TUT4: variants seen among roughly 807,000 people sequenced by gnomAD.
The protein encoded by TUT4 is terminal uridylyltransferase 4.
A neutral mutation model predicts 192.2 loss-of-function variants in TUT4; 36 were observed. The ratio of observed to expected loss-of-function variants is 0.19; its 90% CI spans 0.14 to 0.25. The LOEUF (loss-of-function observed/expected upper bound fraction) is 0.25, where lower values mean the gene tolerates loss of function less well. Ranked by LOEUF, TUT4 falls within the 10% of genes least tolerant of loss-of-function variation. The pLI is 1.00. For missense variants in TUT4, 1,493 were observed against 1,957.2 expected (o/e 0.76, Z 4.47); for synonymous variants, 618 against 666.0 (o/e 0.93, Z 1.11).
At chr1:52,439,506 G>A (rs1654868196) in intron 24 of TUT4, among the ~76,000 whole-genome samples, 1 of 152,184 alleles carries the variant, frequency 6.6e-6, no homozygotes, top group African/African-American at 2.4e-5. Flanking sequence ...TCCTAACAGT[G>A]TCCATCCTTC....
At chr1:52,432,780 G>T (rs893758557) in intron 27 of TUT4, 3 of 152,148 alleles carry the variant, frequency 2.0e-5, no homozygotes, top group African/African-American at 7.2e-5. Context: ...AATTAGCCAA[G>T]TGTGGTGGTG....
At chr1:52,496,950 A>G in intron 5 of TUT4, 56 bp downstream of exon 5, 1 of 1,521,786 alleles carries the variant, frequency 6.6e-7, no homozygotes, top group African/African-American at 1.4e-5. Flanking sequence ...CTAGTTCAAG[A>G]GGAGCAAGGG....
At chr1:52,512,884 A>G (rs977431715) in intron 3 of TUT4, among the ~76,000 whole-genome samples, 1 of 149,372 alleles carries the variant, frequency 6.7e-6, no homozygotes, top group African/African-American at 2.5e-5. Flanking sequence ...ACTGAACTAA[A>G]GGACCTGAAG....
rs748149518 is a variant in TUT4 at position 52,522,987 on chromosome 1, CTTTTTTTTTTTT to C, written c.718+2564_718+2575del. Among the ~76,000 whole-genome samples the C allele has an allele frequency of 5.6e-5, 5 of 89,566 alleles. No individual in the cohort carries two copies. In the East Asian group the frequency reaches 1.2e-3, roughly 21 times the overall value. 58.8% of individuals were successfully genotyped at this position (89,566 alleles called of 152,430 possible). On this transcript the variant is annotated intron_variant, in intron 2 of 29. Transcript: ENST00000257177. ...TTCAAATAACAAGACCCTTAACTATCTTTTTTTTTTTTTTTTTTTTTTTGAGACAGACTCTCG... is the reference window on the plus strand; with the variant it reads ...TTCAAATAACAAGACCCTTAACTATCTTTTTTTTTTTGAGACAGACTCTCG...
intron 1 of TUT4, among the ~76,000 whole-genome samples, chr1:52,541,775 C>G (rs1367892204): frequency 6.6e-6 from 1 of 152,142 alleles, no homozygotes; most frequent in Non-Finnish European, 1.5e-5. Flanking sequence ...AATGAGCACA[C>G]TCAAGAAAAT....
Position 52,423,916 on chromosome 1 carries a change from G to T in TUT4, c.*19C>A. 6.2e-7 allele frequency: 1 copy of T among 1,611,412 alleles called. No homozygotes were observed. The highest frequency in any genetic ancestry group is 8.5e-7 in the Non-Finnish European group (1 of 1,178,754). ...GTTGCTGTGCATCGGTAGACCAGCT[G>T]AAAGAAAATGGACTCGCATTACTCC... On this transcript the variant is annotated 3_prime_UTR_variant, in exon 30 of 30. Transcript: ENST00000257177.
intron 9 of TUT4, 116 bp downstream of exon 9, chr1:52,488,789 ACTTT>A: frequency 9.0e-7 from 1 of 1,105,736 alleles, no homozygotes; most frequent in African/African-American, 1.6e-5. Context: ...ACAGAAAACT[ACTTT>A]CTCCCACATG....
intron 20 of TUT4, among the ~76,000 whole-genome samples, chr1:52,452,648 G>C (rs1312462663): frequency 6.6e-6 from 1 of 152,230 alleles, no homozygotes; most frequent in South Asian, 2.1e-4. Flanking sequence ...GAGGTTCCTA[G>C]ATGGTGGTAT....
At chr1:52,549,123 C>T (rs1688780732) in intron 1 of TUT4, among the ~76,000 whole-genome samples, 1 of 152,062 alleles carries the variant, frequency 6.6e-6, no homozygotes, top group African/African-American at 2.4e-5. Context: ...GCTTGCCTAT[C>T]CACTAAAAAC....
chr1:52,515,748 AG>A (rs1678554236), intron 3 of TUT4, 142 bp downstream of exon 3: 2 of 893,686 alleles, frequency 2.2e-6, no homozygotes, highest in Non-Finnish European at 3.5e-6. Context: ...GGAAAGAAGA[AG>A]AAAGGTAGAG....
At chr1:52,532,124 C>T (rs1450942155) in intron 1 of TUT4, among the ~76,000 whole-genome samples, 1 of 151,366 alleles carries the variant, frequency 6.6e-6, no homozygotes, top group South Asian at 2.1e-4. Flanking sequence ...ATGTTCTGCC[C>T]GCCTCGGCCT....
chr1:52,490,855 C>A, intron 7 of TUT4, 54 bp from the exon 8 acceptor site: 1 of 1,331,366 alleles, frequency 7.5e-7, no homozygotes, highest in South Asian at 1.3e-5. Flanking sequence ...AATACGTACT[C>A]TACAGTAAAC....
chr1:52,482,589 G>T (rs1668767224), intron 9 of TUT4, among the ~76,000 whole-genome samples: 1 of 152,090 alleles, frequency 6.6e-6, no homozygotes, highest in South Asian at 2.1e-4. Flanking sequence ...ACCATGCTCA[G>T]CTAATTTTTT....
chr1:52,472,012 G>A lies in TUT4; in HGVS notation c.2818C>T (p.Leu940=). The change falls in exon 14 of 30, where the codon CTA becomes TTA. Residue 940 remains leucine, a synonymous_variant. Transcript: ENST00000257177. ...EDFRKIDLKP[L]PPMTNRFREI... ...CGAAATCGGTTTGTCATTGGTGGTA[G>A]AGGTTTTAAATCAATTTTCCTAAAA... is the stretch of plus-strand genomic sequence containing the variant. 2 of 1,613,854 alleles carry A rather than the reference G, an allele frequency of 1.2e-6. No individual in the cohort carries two copies. The highest frequency in any genetic ancestry group is 1.7e-6 in the Non-Finnish European group (2 of 1,179,888).
chr1:52,471,930 G>C (rs747876997), intron 14 of TUT4, 22 bp downstream of exon 14: 2 of 1,600,762 alleles, frequency 1.2e-6, no homozygotes, highest in Admixed American at 1.7e-5. Flanking sequence ...AGTCCCAATA[G>C]TTGTAGTAAT....
At chr1:52,522,783 G>A (rs1354649217) in intron 2 of TUT4, among the ~76,000 whole-genome samples, 2 of 151,754 alleles carry the variant, frequency 1.3e-5, no homozygotes, top group African/African-American at 4.8e-5. Flanking sequence ...AAAATTAGCT[G>A]GGCGTGGTGG....
At chr1:52,479,252 C>G (rs1490424977) in intron 11 of TUT4, among the ~76,000 whole-genome samples, 1 of 152,080 alleles carries the variant, frequency 6.6e-6, no homozygotes, top group Admixed American at 6.5e-5. Context: ...GGCTTGTTAT[C>G]TAAATGAAAT....
Position 52,497,258 on chromosome 1 carries a change from A to G in TUT4, c.1000-75T>C, listed in dbSNP as rs1398652765. On this transcript the variant is annotated intron_variant, in intron 4 of 29. Coordinates refer to ENST00000257177, the MANE Select transcript of TUT4 (RefSeq NM_001009881.3). ...TAATTGTTCTTATATTTAGCAGGGA[A>G]AGACAGAAATAAACTAACTCAACAA... The G allele has an allele frequency of 7.1e-6, 10 of 1,400,452 alleles. No individual in the cohort carries two copies. In the African/African-American group the frequency reaches 1.5e-4, roughly 21 times the overall value. The allele number at this position is 1,400,452 out of a possible 1,614,324, so 86.8% of individuals were successfully genotyped here. A position where few individuals can be genotyped will look rare whatever the true frequency, so the allele number is the denominator to read the frequency against.
intron 20 of TUT4, among the ~76,000 whole-genome samples, chr1:52,447,790 A>T (rs762545438): frequency 2.5e-4 from 38 of 152,226 alleles, no homozygotes; most frequent in Non-Finnish European, 4.6e-4. Flanking sequence ...CTAAGTGCTC[A>T]CTTTTCCCAG....
Sources: gnomAD v4.1 joint callset for allele counts (sites outside exome capture counted in the v4.1 genomes callset) on GRCh38, gnomAD v4.1.1 for gene constraint, MANE v1.5 for transcripts, NCBI Gene and HGNC (gene_info 2026-07-23, HGNC 2026-07-21) for gene names.